The following FBLN2 variants were observed in gnomAD, a reference collection of about 807,000 sequenced individuals.
FBLN2 encodes the protein fibulin-2.
A neutral mutation model predicts 123.7 loss-of-function variants in FBLN2; 81 were observed. That is an observed-to-expected ratio of 0.65 (90% CI 0.55 to 0.79). FBLN2 has a LOEUF of 0.79. Among genes scored for constraint, FBLN2 ranks in the 30% least tolerant of loss-of-function variants. FBLN2 has a pLI of 0.00. For synonymous variants in FBLN2, 699 were observed against 701.4 expected, an observed-to-expected ratio of 1.00 and a Z score of 0.05; for missense variants, 1,603 against 1,681.3, an observed-to-expected ratio of 0.95 and a Z score of 0.81.
At chr3:13,619,958 A>G in intron 8 of FBLN2, 127 bp downstream of exon 8, 1 of 654,494 alleles carries the variant, frequency 1.5e-6, no homozygotes, top group Non-Finnish European at 2.6e-6. Flanking sequence ...GGCTGCTATG[A>G]TGAGCACCCC....
At chr3:13,616,849 G>A (rs1705625218) in intron 5 of FBLN2, among the ~76,000 whole-genome samples, 1 of 152,178 alleles carries the variant, frequency 6.6e-6, no homozygotes, top group Non-Finnish European at 1.5e-5. Flanking sequence ...GAATCTGGAG[G>A]CACAGAGAGG....
chr3:13,577,277 C>T, intron 2 of FBLN2, among the ~76,000 whole-genome samples: 1 of 151,144 alleles, frequency 6.6e-6, no homozygotes, highest in African/African-American at 2.4e-5. Flanking sequence ...ACAGGGGAGT[C>T]CTCCCTGGGG....
At chr3:13,616,855 A>G (rs1472623437) in intron 5 of FBLN2, among the ~76,000 whole-genome samples, 1 of 152,190 alleles carries the variant, frequency 6.6e-6, no homozygotes, top group African/African-American at 2.4e-5. Flanking sequence ...GGAGGCACAG[A>G]GAGGCCTAGT....
In FBLN2 at chr3:13,638,023, A is replaced by G; in HGVS notation, c.*104A>G. On this transcript the variant is annotated 3_prime_UTR_variant, in exon 18 of 18. Transcript: ENST00000404922. The stretch of plus-strand genomic sequence containing the variant: ...GTTTTTACTATAACTTTGTAAATTA[A>G]CTTAATTTTGCTGACTTGACTCCTG... The G allele has an allele frequency of 8.7e-7, 1 of 1,142,910 alleles. No individual in the cohort carries two copies. Among genetic ancestry groups the G allele is most frequent in the Non-Finnish European group, 1.3e-6 (1 of 798,176 alleles). The allele number at this position is 1,142,910 out of a possible 1,614,324, so 70.8% of individuals were successfully genotyped here.
intron 7 of FBLN2, among the ~76,000 whole-genome samples, chr3:13,619,487 T>C (rs1705769021): frequency 6.6e-6 from 1 of 152,180 alleles, no homozygotes; most frequent in African/African-American, 2.4e-5. Context: ...TGGGCTGGGA[T>C]CCGAGTGGTG....
chr3:13,599,084 G>C lies in FBLN2; in HGVS notation c.1307-8978G>C, dbSNP rs190606946. 2.0e-3 allele frequency among the ~76,000 whole-genome samples: 302 copies of C among 152,344 alleles called. 1 individual carries two copies. Among genetic ancestry groups the C allele is most frequent in the Admixed American group, 4.5e-3 (69 of 15,306 alleles). On this transcript the variant is annotated intron_variant, in intron 2 of 17. Coordinates refer to ENST00000404922, the MANE Select transcript of FBLN2 (RefSeq NM_001004019.2). ...GGCCCTGAGTCTCACTCCAGAGAGA[G>C]GCACTTTATCCTGTGGGGCAGTGGC...
intron 16 of FBLN2, among the ~76,000 whole-genome samples, chr3:13,635,181 A>G (rs531032081): frequency 6.6e-6 from 1 of 152,212 alleles, no homozygotes; most frequent in South Asian, 2.1e-4. Flanking sequence ...AAATTCCTAA[A>G]TGGTGTCAAT....
Position 13,636,473 on chromosome 3 carries a change from C to G in FBLN2, c.3243C>G (p.His1081Gln), listed in dbSNP as rs980257919. The G allele has an allele frequency of 6.2e-7, 1 of 1,613,592 alleles. No homozygotes were observed. The highest frequency in any genetic ancestry group is 1.3e-5 in the African/African-American group (1 of 74,940). Residue 1081 changes from histidine to glutamine, a missense_variant, in exon 17 of 18, where the codon CAC (histidine) becomes CAG (glutamine). By Grantham distance (24) the His-to-Gln change is conservative. Coordinates refer to ENST00000404922, the MANE Select transcript of FBLN2 (RefSeq NM_001004019.2). ...TGGATGAGTGTGCACTGGGTACCCA[C>G]AACTGTTCCGAGGCTGAGACCTGCC... ...KDVDECALGT[H>Q]NCSEAETCHN...
At chr3:13,606,757 T>A (rs1705217703) in intron 2 of FBLN2, among the ~76,000 whole-genome samples, 1 of 152,168 alleles carries the variant, frequency 6.6e-6, no homozygotes, top group South Asian at 2.1e-4. Context: ...GTTCCAGTGA[T>A]TCTCCTGCCT....
At chr3:13,606,700 G>T (rs1389226976) in intron 2 of FBLN2, among the ~76,000 whole-genome samples, 1 of 152,100 alleles carries the variant, frequency 6.6e-6, no homozygotes, top group Non-Finnish European at 1.5e-5. Flanking sequence ...TGCCCAGGCT[G>T]AAGAGCAGTG....
At chr3:13,574,166 G>T (rs1704057722) in intron 2 of FBLN2, among the ~76,000 whole-genome samples, 1 of 152,180 alleles carries the variant, frequency 6.6e-6, no homozygotes, top group African/African-American at 2.4e-5. Context: ...GAGTTTTAGG[G>T]TTTCCCTGTT....
chr3:13,570,511 T>G lies in FBLN2; in HGVS notation c.156T>G (p.Gly52=), dbSNP rs1410257285. 1 of 1,585,632 alleles carries G rather than the reference T, an allele frequency of 6.3e-7. No individual in the cohort carries two copies. The highest frequency in any genetic ancestry group is 2.3e-5 in the East Asian group (1 of 43,532). Reference sequence around the variant, plus strand: ...GCATTGAGGAGGCGCTGGAGCCGGGTGCCTGCTGTGCCACGTGTGTGCAGC... The same window carrying G: ...GCATTGAGGAGGCGCTGGAGCCGGGGGCCTGCTGTGCCACGTGTGTGCAGC... ...ENCIEEALEP[G]ACCATCVQQG... The change falls in exon 2 of 18, where the codon GGT becomes GGG. Residue 52 remains glycine, a synonymous_variant. Transcript: ENST00000404922.
At chr3:13,602,690 C>A (rs1434846525) in intron 2 of FBLN2, among the ~76,000 whole-genome samples, 3 of 152,064 alleles carry the variant, frequency 2.0e-5, no homozygotes, top group African/African-American at 7.2e-5. Context: ...ATTAACTTTT[C>A]TATTTAATTG....
At chr3:13,619,977 C>G (rs773741640) in intron 8 of FBLN2, 146 bp downstream of exon 8, 14 of 599,530 alleles carry the variant, frequency 2.3e-5, no homozygotes, top group Non-Finnish European at 3.2e-5. Context: ...CCTAGTGGAG[C>G]AGGTTAAACA....
At chr3:13,600,822 G>A (rs1184276013) in intron 2 of FBLN2, among the ~76,000 whole-genome samples, 1 of 152,088 alleles carries the variant, frequency 6.6e-6, no homozygotes, top group Non-Finnish European at 1.5e-5. Flanking sequence ...CGCCATGTTG[G>A]CCAGGTTGGT....
intron 5 of FBLN2, among the ~76,000 whole-genome samples, chr3:13,617,569 A>C: frequency 7.8e-6 from 1 of 127,520 alleles, no homozygotes; most frequent in Non-Finnish European, 1.6e-5. Flanking sequence ...TCCAGTTACA[A>C]CCCATCCACC....
intron 10 of FBLN2, among the ~76,000 whole-genome samples, chr3:13,626,843 T>A (rs570725560): frequency 3.3e-5 from 5 of 152,176 alleles, no homozygotes. Flanking sequence ...TCCTGCCTGC[T>A]GGTGTCTGGG....
chr3:13,571,122 C>G lies in FBLN2; in HGVS notation c.767C>G (p.Ala256Gly). 6.4e-7 allele frequency: 1 copy of G among 1,552,266 alleles called. No homozygotes were observed. The highest frequency in any genetic ancestry group is 2.4e-5 in the East Asian group (1 of 41,004). ...PWPAVLPRPT[A>G]AAALGPPAPV... ...CCAGCTGTCCTCCCCAGGCCCACAG[C>G]GGCTGCTGCCCTGGGTCCCCCAGCC... Residue 256 changes from alanine to glycine, a missense_variant, in exon 2 of 18, where the codon GCG (alanine) becomes GGG (glycine). Physicochemically the swap from Ala to Gly is moderately conservative, Grantham distance 60. Coordinates refer to ENST00000404922, the MANE Select transcript of FBLN2 (RefSeq NM_001004019.2).
At chr3:13,568,194 T>C (rs1411114979) in intron 1 of FBLN2, among the ~76,000 whole-genome samples, 2 of 152,192 alleles carry the variant, frequency 1.3e-5, no homozygotes, top group East Asian at 1.9e-4. Context: ...GCCCTGAGCC[T>C]GGTCTGGGCA....
Sources: allele counts gnomAD v4.1 joint callset (sites outside exome capture counted in the v4.1 genomes callset), GRCh38; gene constraint gnomAD v4.1.1; transcripts MANE v1.5; gene names NCBI Gene and HGNC (gene_info 2026-07-23, HGNC 2026-07-21).